Variants in PLEKHM3 observed in about 807,000 individuals in gnomAD.
PLEKHM3 encodes pleckstrin homology domain-containing family M member 3.
In PLEKHM3, 45 loss-of-function variants were observed where a neutral mutation model predicts 81.8. The observed-to-expected ratio is 0.55, with a 90% CI of 0.43 to 0.71. The LOEUF (loss-of-function observed/expected upper bound fraction) is 0.71. PLEKHM3 is among the 30% of genes least tolerant of loss of function. The pLI is 0.00. For synonymous variants in PLEKHM3, 352 were observed against 356.4 expected (o/e 0.99, Z 0.14); for missense variants, 788 against 924.3 (o/e 0.85, Z 1.91).
intron 7 of PLEKHM3, chr2:207,851,481 AT>A (rs1215966230): frequency 6.6e-6 from 1 of 152,260 alleles, no homozygotes; most frequent in Admixed American, 6.5e-5. Flanking sequence ...CACGCCTGTA[AT>A]CCCAGCACTC....
In PLEKHM3 at chr2:207,951,768, T is replaced by C. The variant is rs959700755; in HGVS notation, c.1547-5256A>G. Among the ~76,000 whole-genome samples, 5 of 152,366 alleles carry C rather than the reference T, an allele frequency of 3.3e-5. 1 individual carries two copies. The highest frequency in any genetic ancestry group is 1.2e-4 in the African/African-American group (5 of 41,594). On this transcript the variant is annotated intron_variant, in intron 3 of 7. Transcript: ENST00000427836. The stretch of plus-strand genomic sequence containing the variant: ...CTCCACAAAAGCACCATCTTTCTTC[T>C]AACAAGTGTACCTAGTTAACTCAAC...
intron 6 of PLEKHM3, among the ~76,000 whole-genome samples, chr2:207,891,982 T>C (rs1234127342): frequency 6.6e-6 from 1 of 152,204 alleles, no homozygotes; most frequent in Non-Finnish European, 1.5e-5. Flanking sequence ...AAACATAAAA[T>C]GGTACCCTCT....
intron 2 of PLEKHM3, among the ~76,000 whole-genome samples, chr2:207,991,913 T>C (rs1691912294): frequency 6.6e-6 from 1 of 152,214 alleles, no homozygotes; most frequent in South Asian, 2.1e-4. Context: ...TAGTTATCTG[T>C]CAGATAAAAG....
At chr2:207,948,880 T>C (rs527867228) in intron 3 of PLEKHM3, among the ~76,000 whole-genome samples, 23 of 152,050 alleles carry the variant, frequency 1.5e-4, no homozygotes, top group African/African-American at 5.3e-4. Flanking sequence ...GGCTTCGCTA[T>C]GTTGGCCAGG....
At chr2:207,995,511 T>C (rs1692091168) in intron 2 of PLEKHM3, among the ~76,000 whole-genome samples, 1 of 152,170 alleles carries the variant, frequency 6.6e-6, no homozygotes, top group African/African-American at 2.4e-5. Context: ...GTTAAGAGCC[T>C]GGACTCGGAG....
chr2:207,863,581 G>A (rs868479684), intron 6 of PLEKHM3, among the ~76,000 whole-genome samples: 21 of 152,214 alleles, frequency 1.4e-4, no homozygotes, highest in African/African-American at 3.6e-4. Flanking sequence ...TGGTGGCAGC[G>A]GGGGTTGCCA....
chr2:207,909,549 G>A (rs959202099), intron 5 of PLEKHM3, among the ~76,000 whole-genome samples: 5 of 152,174 alleles, frequency 3.3e-5, no homozygotes, highest in African/African-American at 1.2e-4. Context: ...AGTCAAGTGA[G>A]GGAAAGACAC....
chr2:207,889,301 C>T (rs986880698), intron 6 of PLEKHM3, among the ~76,000 whole-genome samples: 1 of 152,084 alleles, frequency 6.6e-6, no homozygotes, highest in African/African-American at 2.4e-5. Context: ...CAACCCTGGT[C>T]AAGGAAATCA....
intron 6 of PLEKHM3, among the ~76,000 whole-genome samples, chr2:207,866,201 G>A (rs1475561167): frequency 6.6e-6 from 1 of 152,076 alleles, no homozygotes; most frequent in Non-Finnish European, 1.5e-5. Flanking sequence ...TGTCACCCAG[G>A]CTGGAGTGCA....
intron 4 of PLEKHM3, among the ~76,000 whole-genome samples, chr2:207,939,449 T>C (rs1050547416): frequency 1.3e-5 from 2 of 152,074 alleles, no homozygotes; most frequent in South Asian, 2.1e-4. Context: ...AATGAAGAGA[T>C]TGGTGCTGGG....
intron 4 of PLEKHM3, among the ~76,000 whole-genome samples, chr2:207,935,124 T>C (rs1279740522): frequency 6.6e-6 from 1 of 152,170 alleles, no homozygotes; most frequent in African/African-American, 2.4e-5. Flanking sequence ...TCTAATTCAA[T>C]TTTTCTCAGC....
intron 2 of PLEKHM3, among the ~76,000 whole-genome samples, chr2:208,000,655 G>A (rs376313164): frequency 1.3e-5 from 2 of 152,072 alleles, no homozygotes; most frequent in Non-Finnish European, 2.9e-5. Flanking sequence ...CCCAACGTAC[G>A]ATCTACTATA....
chr2:207,947,364 T>C (rs1690169459), intron 3 of PLEKHM3, among the ~76,000 whole-genome samples: 2 of 152,248 alleles, frequency 1.3e-5, no homozygotes, highest in Admixed American at 1.3e-4. Context: ...AGTCCATGAC[T>C]CTGTGAGCGC....
intron 6 of PLEKHM3, among the ~76,000 whole-genome samples, chr2:207,901,987 C>T (rs529810990): frequency 7.2e-5 from 11 of 152,272 alleles, no homozygotes; most frequent in Middle Eastern, 3.4e-3. Context: ...TTGTTAAATC[C>T]GAATGCTCCT....
chr2:207,848,864 A>C (rs939985857), intron 7 of PLEKHM3, among the ~76,000 whole-genome samples: 3 of 152,248 alleles, frequency 2.0e-5, no homozygotes, highest in Non-Finnish European at 2.9e-5. Flanking sequence ...GATGGATGAA[A>C]GCAATGGGGC....
At chr2:207,863,112 T>C (rs768397719) in intron 6 of PLEKHM3, among the ~76,000 whole-genome samples, 1 of 152,142 alleles carries the variant, frequency 6.6e-6, no homozygotes, top group Non-Finnish European at 1.5e-5. Context: ...CCTTCAACAC[T>C]AGAGAACTGA....
At chr2:207,908,422 A>C in intron 6 of PLEKHM3, 92 bp downstream of exon 6, 1 of 1,188,790 alleles carries the variant, frequency 8.4e-7, no homozygotes, top group Admixed American at 2.3e-5. Context: ...AAACTACCCC[A>C]ATGATGGCAG....
intron 2 of PLEKHM3, among the ~76,000 whole-genome samples, chr2:207,992,875 C>A (rs1691943739): frequency 6.6e-6 from 1 of 151,938 alleles, no homozygotes; most frequent in Non-Finnish European, 1.5e-5. Context: ...ACAGCAAAGG[C>A]CCAGGAGCTT....
intron 7 of PLEKHM3, among the ~76,000 whole-genome samples, chr2:207,828,989 G>T (rs540834938): frequency 4.6e-5 from 7 of 152,282 alleles, no homozygotes; most frequent in African/African-American, 1.7e-4. Context: ...AGTTTGAAAA[G>T]ATAAAATGAC....
Sources: allele counts gnomAD v4.1 joint callset (sites outside exome capture counted in the v4.1 genomes callset), GRCh38; gene constraint gnomAD v4.1.1; transcripts MANE v1.5; gene names NCBI Gene and HGNC (gene_info 2026-07-23, HGNC 2026-07-21).